Variants in PCYT1A observed in about 807,000 individuals in gnomAD.
The protein encoded by PCYT1A is choline-phosphate cytidylyltransferase A.
Under a neutral mutation model 43.7 loss-of-function variants are expected in PCYT1A, and 25 were observed. The observed-to-expected ratio is 0.57, with a 90% CI of 0.42 to 0.80. PCYT1A has a LOEUF of 0.80. Among genes scored for constraint, PCYT1A ranks in the 30% least tolerant of loss-of-function variants. The pLI is 0.00. For synonymous variants in PCYT1A, 172 were observed against 170.7 expected (o/e 1.01, Z -0.06); for missense variants, 421 against 474.2 (o/e 0.89, Z 1.04).
At chr3:196,246,978 T>C (rs1724587946) in intron 5 of PCYT1A, among the ~76,000 whole-genome samples, 1 of 150,238 alleles carries the variant, frequency 6.7e-6, no homozygotes, top group Admixed American at 6.6e-5. Context: ...TGGTGTAACT[T>C]GTGGCGAGTT....
At position 196,273,711 on chromosome 3, in the gene PCYT1A, C is replaced by A. The variant is rs1725504833; in HGVS notation, c.-10-3170G>T. ...TCAAGTATGGCTGAGTCCAGGGTTT[C>A]TACGGGCTTCAGCGGGCAGGAAGTG... On this transcript the variant is annotated intron_variant, in intron 1 of 8. Coordinates refer to ENST00000431016, the MANE Select transcript of PCYT1A (RefSeq NM_001312673.2). The surrounding 1 kb of genome is among the most constrained non-coding windows in gnomAD (Gnocchi z 4.1). Among the ~76,000 whole-genome samples, 1 of 152,206 alleles carries A rather than the reference C, an allele frequency of 6.6e-6. No homozygotes were observed. The highest frequency in any genetic ancestry group is 2.1e-4 in the South Asian group (1 of 4,836).
intron 2 of PCYT1A, among the ~76,000 whole-genome samples, chr3:196,260,504 T>C (rs1345470335): frequency 6.6e-6 from 1 of 152,174 alleles, no homozygotes; most frequent in Non-Finnish European, 1.5e-5. Context: ...CCAGAAATTA[T>C]ACTGCTAGGT....
intron 2 of PCYT1A, among the ~76,000 whole-genome samples, chr3:196,259,887 C>G (rs910426557): frequency 6.0e-5 from 7 of 117,184 alleles, no homozygotes; most frequent in Non-Finnish European, 1.1e-4. Flanking sequence ...TTAAGATATA[C>G]TTAATGATAT....
chr3:196,286,523 C>A (rs184020585), intron 1 of PCYT1A, among the ~76,000 whole-genome samples: 47 of 152,334 alleles, frequency 3.1e-4, no homozygotes, highest in African/African-American at 1.1e-3. Flanking sequence ...ATCATAATCT[C>A]ATACACACAT....
chr3:196,254,223 T>G (rs1724888909), intron 3 of PCYT1A, among the ~76,000 whole-genome samples: 1 of 151,732 alleles, frequency 6.6e-6, no homozygotes, highest in Non-Finnish European at 1.5e-5. Context: ...AGACGGGGTT[T>G]CACCATGTTA....
At chr3:196,248,089 C>T in intron 4 of PCYT1A, 118 bp downstream of exon 4, 1 of 699,836 alleles carries the variant, frequency 1.4e-6, no homozygotes, top group Non-Finnish European at 2.6e-6. Flanking sequence ...GTTAGAGAGG[C>T]TGTACTACAT....
rs1339129542 is a variant in PCYT1A, at chr3:196,239,709, C to A, written c.735G>T (p.Arg245Ser). ...TCACTTTCTTCTTTACTTTGTCAACCCTCTCCTGCAAGTGGTATTTCTTCT... is the reference window on the plus strand; with the variant it reads ...TCACTTTCTTCTTTACTTTGTCAACACTCTCCTGCAAGTGGTATTTCTTCT... Reference protein sequence around the residue: ...INEKKYHLQERVDKVKKKVKD... With the variant: ...INEKKYHLQESVDKVKKKVKD... Residue 245 changes from arginine (R) to serine (S), a missense_variant, in exon 8 of 9, where the codon AGG (arginine) becomes AGT (serine). Around this residue, in one of 3 missense-constraint regions of PCYT1A, gnomAD observed 174 missense variants for 270.7 expected, o/e 0.64. Coordinates refer to ENST00000431016, the MANE Select transcript of PCYT1A (RefSeq NM_001312673.2). 2 of 1,609,812 alleles carry A rather than the reference C, an allele frequency of 1.2e-6. No homozygotes were observed. The highest frequency in any genetic ancestry group is 1.7e-5 in the Admixed American group (1 of 59,982).
intron 3 of PCYT1A, among the ~76,000 whole-genome samples, chr3:196,254,473 C>A (rs764602291): frequency 6.6e-6 from 1 of 152,152 alleles, no homozygotes; most frequent in Admixed American, 6.5e-5. Flanking sequence ...ACCTCAGCCT[C>A]CTGAGTGGCT....
intron 5 of PCYT1A, among the ~76,000 whole-genome samples, chr3:196,245,143 C>CTT (rs780768606): frequency 3.7e-4 from 52 of 142,098 alleles, no homozygotes; most frequent in East Asian, 1.2e-3. Context: ...CATTTCACTA[C>CTT]TTTTTTTTTT....
chr3:196,238,639 C>G lies in PCYT1A; in HGVS notation c.*49G>C. 1 of 1,250,076 alleles carries G rather than the reference C, an allele frequency of 8.0e-7. No individual in the cohort carries two copies. Among genetic ancestry groups the G allele is most frequent in the Non-Finnish European group, 1.1e-6 (1 of 917,848 alleles). 77.4% of individuals were successfully genotyped at this position (1,250,076 alleles called of 1,614,324 possible). A position where few individuals can be genotyped will look rare whatever the true frequency, so the allele number is the denominator to read the frequency against. On this transcript the variant is annotated 3_prime_UTR_variant, in exon 9 of 9. Coordinates refer to ENST00000431016, the MANE Select transcript of PCYT1A (RefSeq NM_001312673.2). Reference sequence around the variant, plus strand: ...CAATTTGGAATTCAACAGAGAGCTTCTGAAGGTAATGGGACAGAAAGGGAG... The same window carrying G: ...CAATTTGGAATTCAACAGAGAGCTTGTGAAGGTAATGGGACAGAAAGGGAG...
intron 2 of PCYT1A, among the ~76,000 whole-genome samples, chr3:196,261,925 C>T (rs1725121533): frequency 6.6e-6 from 1 of 152,086 alleles, no homozygotes; most frequent in Non-Finnish European, 1.5e-5. Context: ...AGGCTGAATC[C>T]GTTTCTCCTA....
intron 1 of PCYT1A, among the ~76,000 whole-genome samples, chr3:196,275,752 A>AG (rs1302276143): frequency 6.6e-6 from 1 of 151,494 alleles, no homozygotes; most frequent in Non-Finnish European, 1.5e-5. Context: ...AAAAAAAAAA[A>AG]GAATGGAGAA....
intron 1 of PCYT1A, among the ~76,000 whole-genome samples, chr3:196,272,938 T>A (rs1230539672): frequency 3.9e-5 from 6 of 152,240 alleles, no homozygotes; most frequent in African/African-American, 7.2e-5. Context: ...CTCAGCCTGG[T>A]AGGCTATGCT....
rs115981170 is a variant in PCYT1A at position 196,237,241 on chromosome 3, T to A, written c.*1447A>T. 253 of 152,418 alleles carry A rather than the reference T, an allele frequency of 1.7e-3. No individual in the cohort carries two copies. Among genetic ancestry groups the A allele is most frequent in the Non-Finnish European group, 2.5e-3 (172 of 68,086 alleles). The allele number at this position is 152,418 out of a possible 1,614,324, so 9.4% of individuals were successfully genotyped here. Reference sequence around the variant, plus strand: ...CTGGATCTAGCCACAGGATTACTGATGGGTGATGATCTGCTAGGCCGCGTA... The same window carrying A: ...CTGGATCTAGCCACAGGATTACTGAAGGGTGATGATCTGCTAGGCCGCGTA... On this transcript the variant is annotated 3_prime_UTR_variant, in exon 9 of 9. Coordinates refer to ENST00000431016, the MANE Select transcript of PCYT1A (RefSeq NM_001312673.2).
In PCYT1A at chr3:196,247,692, G is replaced by A. The variant is rs751023541; in HGVS notation, c.335-174C>T. 4.8e-5 allele frequency: 34 copies of A among 705,338 alleles called. No homozygotes were observed. Among genetic ancestry groups the A allele is most frequent in the Admixed American group, 2.0e-4 (10 of 49,806 alleles). 43.7% of individuals were successfully genotyped at this position (705,338 alleles called of 1,614,324 possible). On this transcript the variant is annotated intron_variant, in intron 4 of 8. Transcript: ENST00000431016. The surrounding 1 kb of genome is among the most constrained non-coding windows in gnomAD (Gnocchi z 4.8). Reference sequence around the variant, plus strand: ...GTGATAACGCTTTTCCTAATGCAGCGTATACCTTCAGGAGCAACACTCACT... The same window carrying A: ...GTGATAACGCTTTTCCTAATGCAGCATATACCTTCAGGAGCAACACTCACT...
At chr3:196,264,587 T>A (rs1366470985) in intron 2 of PCYT1A, among the ~76,000 whole-genome samples, 1 of 152,198 alleles carries the variant, frequency 6.6e-6, no homozygotes, top group Non-Finnish European at 1.5e-5. Context: ...TACCTCTTGG[T>A]CAAAGTCAGT....
chr3:196,243,748 C>G (rs979446149), intron 5 of PCYT1A, among the ~76,000 whole-genome samples: 6 of 152,272 alleles, frequency 3.9e-5, no homozygotes, highest in African/African-American at 1.4e-4. Context: ...GTTGGCCGGG[C>G]TGGTCTCCAG....
Position 196,239,530 on chromosome 3 carries a change from A to G in PCYT1A, c.897+17T>C. On this transcript the variant is annotated intron_variant, in intron 8 of 8. Transcript: ENST00000431016. ...CAACATGGAACTCCCTACATTGTCC[A>G]GTGGGAAAGAACATACCAGTGCTCC... 6.5e-7 allele frequency: 1 copy of G among 1,539,174 alleles called. No individual in the cohort carries two copies. The highest frequency in any genetic ancestry group is 9.0e-7 in the Non-Finnish European group (1 of 1,112,674).
intron 1 of PCYT1A, among the ~76,000 whole-genome samples, chr3:196,283,110 G>GAT (rs1560180341): frequency 6.6e-6 from 1 of 152,334 alleles, no homozygotes; most frequent in East Asian, 1.9e-4. Context: ...GGCCGAGGCG[G>GAT]ATGGATCACT....
Sources: gnomAD v4.1 joint callset for allele counts (sites outside exome capture counted in the v4.1 genomes callset) on GRCh38, gnomAD v4.1.1 for gene constraint, gnomAD v4.1.1 regional missense constraint, Gnocchi (gnomAD v3.1) non-coding constraint, MANE v1.5 for transcripts, NCBI Gene and HGNC (gene_info 2026-07-23, HGNC 2026-07-21) for gene names.